Variants in PDE1A observed in about 807,000 individuals in gnomAD.
PDE1A encodes the protein phosphodiesterase 1A, also known as dual specificity calcium/calmodulin-dependent 3',5'-cyclic nucleotide phosphodiesterase 1A.
In PDE1A, 35 loss-of-function variants were observed where a neutral mutation model predicts 61.7. The observed-to-expected ratio is 0.57, with a 90% CI of 0.43 to 0.75. The LOEUF (loss-of-function observed/expected upper bound fraction) is 0.75. Among genes scored for constraint, PDE1A ranks in the 30% least tolerant of loss-of-function variants. The probability of loss-of-function intolerance (pLI) is 0.00; values close to 1 mark genes in which losing one functional copy is unlikely to be tolerated. For missense variants in PDE1A, 597 were observed against 630.6 expected (o/e 0.95, Z 0.57); for synonymous variants, 232 against 213.2 (o/e 1.09, Z -0.77).
intron 1 of PDE1A, among the ~76,000 whole-genome samples, chr2:182,396,310 G>A (rs150988506): frequency 8.5e-4 from 130 of 152,350 alleles, no homozygotes; most frequent in African/African-American, 2.7e-3. Flanking sequence ...GCAGAACTTC[G>A]AGCAGTGCAC....
At chr2:182,701,057 T>C in the PDE1A span, among the ~76,000 whole-genome samples, 2 of 152,048 alleles carry the variant, frequency 1.3e-5, no homozygotes, top group Admixed American at 6.5e-5. Context: ...TGTTTTGAGA[T>C]GGAGTCTTGC....
the PDE1A span, among the ~76,000 whole-genome samples, chr2:182,673,427 A>G: frequency 6.6e-6 from 1 of 152,170 alleles, no homozygotes; most frequent in African/African-American, 2.4e-5. Context: ...ATATGACTCC[A>G]CTTCTTTTTA....
chr2:182,238,289 G>T (rs1010782253), intron 3 of PDE1A, among the ~76,000 whole-genome samples: 1 of 117,674 alleles, frequency 8.5e-6, no homozygotes, highest in Non-Finnish European at 1.8e-5. Context: ...AAAAGAAAAA[G>T]AAAAAGAAAA....
At chr2:182,551,619 T>A in the PDE1A span, among the ~76,000 whole-genome samples, 1 of 152,172 alleles carries the variant, frequency 6.6e-6, no homozygotes, top group East Asian at 1.9e-4. Flanking sequence ...GAGAGACCAG[T>A]TCCCCCTAGA....
chr2:182,418,373 T>C (rs1227450257), intron 1 of PDE1A, among the ~76,000 whole-genome samples: 1 of 152,200 alleles, frequency 6.6e-6, no homozygotes, highest in Non-Finnish European at 1.5e-5. Context: ...TTTAACTTTT[T>C]AAAACTTCTT....
intron 13 of PDE1A, among the ~76,000 whole-genome samples, chr2:182,180,610 T>C (rs1390769377): frequency 6.6e-6 from 1 of 152,134 alleles, no homozygotes; most frequent in Admixed American, 6.6e-5. Flanking sequence ...TCTATGTATT[T>C]CCTGAATTTG....
intron 3 of PDE1A, among the ~76,000 whole-genome samples, chr2:182,238,162 G>A (rs1300829586): frequency 2.0e-5 from 3 of 151,194 alleles, no homozygotes; most frequent in Non-Finnish European, 2.9e-5. Flanking sequence ...CCAGCTACTC[G>A]GGAGGCTGAG....
At chr2:182,534,176 T>G in the PDE1A span, among the ~76,000 whole-genome samples, 1 of 152,048 alleles carries the variant, frequency 6.6e-6, no homozygotes, top group African/African-American at 2.4e-5. Flanking sequence ...CAGTTTCCCA[T>G]TCCCTTAACT....
chr2:182,616,589 A>C, the PDE1A span, among the ~76,000 whole-genome samples: 1 of 152,180 alleles, frequency 6.6e-6, no homozygotes, highest in South Asian at 2.1e-4. Context: ...CTGAGACTAC[A>C]TCTTTATCTA....
At chr2:182,461,153 G>A (rs913660105) in intron 2 of PDE1A, among the ~76,000 whole-genome samples, 3 of 152,142 alleles carry the variant, frequency 2.0e-5, no homozygotes, top group African/African-American at 7.2e-5. Flanking sequence ...GGAGTTCTGA[G>A]GTGTATTCGT....
At chr2:182,243,261 T>G (rs1446957578) in intron 2 of PDE1A, among the ~76,000 whole-genome samples, 1 of 152,132 alleles carries the variant, frequency 6.6e-6, no homozygotes, top group Non-Finnish European at 1.5e-5. Flanking sequence ...ACTTATATTT[T>G]AAAAGAAAGA....
intron 1 of PDE1A, among the ~76,000 whole-genome samples, chr2:182,336,642 T>C (rs1350434233): frequency 6.6e-6 from 1 of 151,660 alleles, no homozygotes; most frequent in East Asian, 1.9e-4. Context: ...AGGGGAGGGA[T>C]AGCATTAGGA....
At chr2:182,571,911 T>G in the PDE1A span, among the ~76,000 whole-genome samples, 1 of 152,198 alleles carries the variant, frequency 6.6e-6, no homozygotes, top group Admixed American at 6.5e-5. Context: ...TTACTCTATG[T>G]TCACTTCCTA....
intron 1 of PDE1A, among the ~76,000 whole-genome samples, chr2:182,287,008 C>T (rs1259655673): frequency 6.6e-6 from 1 of 152,016 alleles, no homozygotes; most frequent in African/African-American, 2.4e-5. Context: ...AGGGCATTGA[C>T]TAAAACCCAA....
At chr2:182,155,998 T>C (rs1691061475) in intron 13 of PDE1A, among the ~76,000 whole-genome samples, 1 of 152,162 alleles carries the variant, frequency 6.6e-6, no homozygotes, top group South Asian at 2.1e-4. Context: ...ATAAGTCTCA[T>C]GAGATCCAAT....
chr2:182,585,964 G>A, the PDE1A span, among the ~76,000 whole-genome samples: 1 of 152,096 alleles, frequency 6.6e-6, no homozygotes, highest in Non-Finnish European at 1.5e-5. Context: ...GTATTACCAT[G>A]CTTGACCATG....
chr2:182,528,343 G>C, the PDE1A span, among the ~76,000 whole-genome samples: 1 of 152,162 alleles, frequency 6.6e-6, no homozygotes, highest in South Asian at 2.1e-4. Flanking sequence ...CTTTGCCCCT[G>C]CCCTAGAGAT....
chr2:182,426,118 T>G (rs184838125), intron 1 of PDE1A, among the ~76,000 whole-genome samples: 1 of 152,296 alleles, frequency 6.6e-6, no homozygotes, highest in African/African-American at 2.4e-5. Flanking sequence ...CTGAGCGAGC[T>G]GTAAAATGTG....
chr2:182,597,650 T>C, the PDE1A span, among the ~76,000 whole-genome samples: 1 of 152,216 alleles, frequency 6.6e-6, no homozygotes, highest in Non-Finnish European at 1.5e-5. Context: ...AAGTGTACTT[T>C]TTCACATGTA....
Sources: gnomAD v4.1 joint callset for allele counts (sites outside exome capture counted in the v4.1 genomes callset) on GRCh38, gnomAD v4.1.1 for gene constraint, MANE v1.5 for transcripts, NCBI Gene and HGNC (gene_info 2026-07-23, HGNC 2026-07-21) for gene names.